The following BBOX1 variants were observed in gnomAD, a reference collection of about 807,000 sequenced individuals.
BBOX1 encodes gamma-butyrobetaine dioxygenase.
BBOX1 carries 35 observed loss-of-function variants against 41.6 expected under a neutral mutation model. That is an observed-to-expected ratio of 0.84 (90% confidence interval 0.64 to 1.11). The LOEUF is 1.11. Ranked by LOEUF, BBOX1 falls within the 50% of genes most tolerant of loss-of-function variation. The pLI is 0.00. For missense variants in BBOX1, 458 were observed against 460.6 expected (o/e 0.99, Z 0.05); for synonymous variants, 163 against 154.7 (o/e 1.05, Z -0.40).
At chr11:27,064,838 C>G (rs1212308400) in intron 4 of BBOX1, among the ~76,000 whole-genome samples, 6 of 151,768 alleles carry the variant, frequency 4.0e-5, no homozygotes, top group African/African-American at 1.5e-4. Flanking sequence ...CTGAGTGGGG[C>G]CACAGGGGCA....
chr11:27,096,903 C>A (rs1345375830), intron 5 of BBOX1, among the ~76,000 whole-genome samples: 1 of 151,978 alleles, frequency 6.6e-6, no homozygotes, highest in East Asian at 1.9e-4. Flanking sequence ...ACTTTCAGGA[C>A]AAAAGTGCAT....
chr11:27,105,193 T>C (rs1297975466), intron 5 of BBOX1, among the ~76,000 whole-genome samples: 1 of 152,012 alleles, frequency 6.6e-6, no homozygotes, highest in African/African-American at 2.4e-5. Context: ...CCTCTTCCCC[T>C]CCAAAGGAAC....
chr11:27,098,371 A>G (rs1858523951), intron 5 of BBOX1, among the ~76,000 whole-genome samples: 1 of 151,966 alleles, frequency 6.6e-6, no homozygotes, highest in Non-Finnish European at 1.5e-5. Flanking sequence ...TCCTCACTCA[A>G]ATGAACGAGT....
intron 4 of BBOX1, among the ~76,000 whole-genome samples, chr11:27,065,818 TTAA>T (rs1857265467): frequency 9.9e-6 from 1 of 100,586 alleles, no homozygotes; most frequent in Non-Finnish European, 2.3e-5. Context: ...AAGAGGTATA[TTAA>T]TTATATTCTT....
At chr11:27,058,012 A>G (rs1268254806) in intron 4 of BBOX1, among the ~76,000 whole-genome samples, 1 of 152,300 alleles carries the variant, frequency 6.6e-6, no homozygotes, top group African/African-American at 2.4e-5. Flanking sequence ...TAGGAGATAC[A>G]CAGTAATAGA....
intron 3 of BBOX1, 105 bp downstream of exon 3, chr11:27,055,754 C>T (rs528123757): frequency 2.9e-4 from 293 of 1,014,710 alleles, no homozygotes; most frequent in Non-Finnish European, 3.2e-4. Flanking sequence ...CATATATAAC[C>T]GCATATGAAC....
intron 5 of BBOX1, among the ~76,000 whole-genome samples, chr11:27,096,913 T>G (rs1858458892): frequency 6.6e-6 from 1 of 152,052 alleles, no homozygotes; most frequent in African/African-American, 2.4e-5. Context: ...CAAAAGTGCA[T>G]GTCATTTTCC....
At chr11:27,078,334 TA>T (rs1404890583) in intron 4 of BBOX1, among the ~76,000 whole-genome samples, 9 of 152,068 alleles carry the variant, frequency 5.9e-5, no homozygotes, top group East Asian at 1.9e-4. Context: ...TTCTTTTTTT[TA>T]ATTATACTTT....
At chr11:27,062,627 C>T (rs898594288) in intron 4 of BBOX1, among the ~76,000 whole-genome samples, 9 of 151,920 alleles carry the variant, frequency 5.9e-5, no homozygotes, top group Admixed American at 2.0e-4. Context: ...GGAGCGATCT[C>T]GGCTCACTGC....
At chr11:27,101,823 A>G (rs1211081855) in intron 5 of BBOX1, among the ~76,000 whole-genome samples, 1 of 152,102 alleles carries the variant, frequency 6.6e-6, no homozygotes, top group East Asian at 1.9e-4. Context: ...ATTCTTTCAC[A>G]TAGTTATCTT....
intron 2 of BBOX1, among the ~76,000 whole-genome samples, chr11:27,045,148 C>T: frequency 6.6e-6 from 1 of 152,052 alleles, no homozygotes; most frequent in Non-Finnish European, 1.5e-5. Context: ...CTTCACATCC[C>T]TTCTAACTTG....
chr11:27,111,155 A>ATACT (rs142326891), intron 5 of BBOX1, among the ~76,000 whole-genome samples: 4,946 of 152,046 alleles, frequency 0.033, 121 homozygotes, highest in South Asian at 0.11. Flanking sequence ...ACACCATGGA[A>ATACT]TACTACACAA....
Position 27,127,458 on chromosome 11 carries a change from A to T in BBOX1, c.*5A>T, listed in dbSNP as rs1311235756. The T allele has an allele frequency of 6.9e-6, 11 of 1,592,646 alleles. No homozygotes were observed. The highest frequency in any genetic ancestry group is 9.4e-6 in the Non-Finnish European group (11 of 1,173,846). On this transcript the variant is annotated 3_prime_UTR_variant, in exon 9 of 9. Transcript: ENST00000263182. Reference sequence around the variant, plus strand: ...AGGGTGGAGAATGGAAACTGAAGTCACCTGTAGATAATTTTAATAAGATTC... The same window carrying T: ...AGGGTGGAGAATGGAAACTGAAGTCTCCTGTAGATAATTTTAATAAGATTC...
intron 4 of BBOX1, among the ~76,000 whole-genome samples, chr11:27,090,585 G>A (rs1858208656): frequency 6.6e-6 from 1 of 151,888 alleles, no homozygotes. Flanking sequence ...CAGAACTACT[G>A]ATAAGGGTCT....
At chr11:27,078,802 G>A (rs1245064213) in intron 4 of BBOX1, among the ~76,000 whole-genome samples, 1 of 152,182 alleles carries the variant, frequency 6.6e-6, no homozygotes, top group Non-Finnish European at 1.5e-5. Flanking sequence ...GGAGTCAGAA[G>A]AGCTGGTTTT....
chr11:27,040,931 A>G lies in BBOX1; in HGVS notation c.-399A>G, dbSNP rs1851331202. 1.3e-5 allele frequency: 2 copies of G among 152,162 alleles called. No homozygotes were observed. The highest frequency in any genetic ancestry group is 2.4e-5 in the African/African-American group (1 of 41,442). 9.4% of individuals were successfully genotyped at this position (152,162 alleles called of 1,614,324 possible). On this transcript the variant is annotated 5_prime_UTR_variant, in exon 1 of 9. Coordinates refer to ENST00000263182, the MANE Select transcript of BBOX1 (RefSeq NM_003986.3). ...GCCTCTGCCCTAAGTGAGTTGTGCA[A>G]TAAATGAGCTGTCACTCTGAACAGG...
intron 4 of BBOX1, among the ~76,000 whole-genome samples, chr11:27,065,970 A>G (rs561513672): frequency 7.3e-4 from 111 of 152,348 alleles, no homozygotes; most frequent in Non-Finnish European, 1.2e-3. Context: ...CCTAAAGCAA[A>G]TATATTTCCA....
At chr11:27,115,830 T>C (rs1261136633) in intron 6 of BBOX1, among the ~76,000 whole-genome samples, 1 of 151,938 alleles carries the variant, frequency 6.6e-6, no homozygotes, top group Non-Finnish European at 1.5e-5. Flanking sequence ...CATTTTTTGC[T>C]TTGCCAAGAC....
intron 4 of BBOX1, among the ~76,000 whole-genome samples, chr11:27,060,239 T>G (rs1045391203): frequency 3.3e-5 from 5 of 152,070 alleles, no homozygotes; most frequent in Non-Finnish European, 5.9e-5. Flanking sequence ...TCTTTGAAGA[T>G]CTGGTTGTTT....
Sources: allele counts gnomAD v4.1 joint callset (sites outside exome capture counted in the v4.1 genomes callset), GRCh38; gene constraint gnomAD v4.1.1; transcripts MANE v1.5; gene names NCBI Gene and HGNC (gene_info 2026-07-23, HGNC 2026-07-21).